Variants in UNC5D observed in about 807,000 individuals in gnomAD.
UNC5D encodes the protein unc-5 netrin receptor D.
Under a neutral mutation model 105.4 loss-of-function variants are expected in UNC5D, and 39 were observed. The observed-to-expected ratio is 0.37, with a 90% CI of 0.29 to 0.48. UNC5D has a LOEUF of 0.48. Among genes scored for constraint, UNC5D ranks in the 20% least tolerant of loss-of-function variants. The pLI is 0.98. For synonymous variants in UNC5D, 452 were observed against 450.4 expected (o/e 1.00, Z -0.04); for missense variants, 991 against 1,202.4 (o/e 0.82, Z 2.60).
At position 35,388,428 on chromosome 8, in the gene UNC5D, C is replaced by T. The variant is rs376037329; in HGVS notation, c.103+152541C>T. Among the ~76,000 whole-genome samples the T allele has an allele frequency of 4.6e-5, 7 of 152,180 alleles. No individual in the cohort carries two copies. In the South Asian group the frequency reaches 8.3e-4, roughly 18 times the overall value. ...CAATGGCCCCTTTTCCCTAAGTTGC[C>T]TAGCACTGAATCTCCAGTCCACCAT... On this transcript the variant is annotated intron_variant, in intron 1 of 16. Transcript: ENST00000404895.
chr8:35,615,193 T>TAGTC (rs1442098754), intron 4 of UNC5D, among the ~76,000 whole-genome samples: 1 of 152,136 alleles, frequency 6.6e-6, no homozygotes, highest in Non-Finnish European at 1.5e-5. Flanking sequence ...GAGGCATGAC[T>TAGTC]AGTCCACTGC....
chr8:35,391,078 G>A (rs1803741099), intron 1 of UNC5D, among the ~76,000 whole-genome samples: 1 of 152,178 alleles, frequency 6.6e-6, no homozygotes, highest in Non-Finnish European at 1.5e-5. Flanking sequence ...GTAAAATCTG[G>A]GAGAGATGCA....
chr8:35,356,392 A>G (rs147998117), intron 1 of UNC5D, among the ~76,000 whole-genome samples: 1 of 152,150 alleles, frequency 6.6e-6, no homozygotes, highest in East Asian at 1.9e-4. Context: ...TGGGCATCCA[A>G]CTGGGTAGTA....
chr8:35,767,455 A>G (rs1226206873), intron 15 of UNC5D, among the ~76,000 whole-genome samples: 2 of 152,198 alleles, frequency 1.3e-5, no homozygotes, highest in East Asian at 3.9e-4. Context: ...AGCCACCCTC[A>G]GACTGTTTTT....
chr8:35,718,906 C>T (rs969404189), intron 8 of UNC5D, among the ~76,000 whole-genome samples: 3 of 152,058 alleles, frequency 2.0e-5, no homozygotes, highest in African/African-American at 7.2e-5. Flanking sequence ...ATATCAATTA[C>T]AATTGCACTT....
chr8:35,631,179 G>A (rs1258351279), intron 4 of UNC5D, among the ~76,000 whole-genome samples: 1 of 152,116 alleles, frequency 6.6e-6, no homozygotes, highest in African/African-American at 2.4e-5. Flanking sequence ...TGGACATAGT[G>A]GTGTGTGCCT....
intron 7 of UNC5D, among the ~76,000 whole-genome samples, chr8:35,698,468 T>C (rs1036115437): frequency 6.6e-6 from 1 of 151,398 alleles, no homozygotes; most frequent in Non-Finnish European, 1.5e-5. Context: ...TCTGTCTCTA[T>C]GAGTTTGGTA....
At chr8:35,440,000 G>T (rs1000511170) in intron 1 of UNC5D, among the ~76,000 whole-genome samples, 4 of 151,948 alleles carry the variant, frequency 2.6e-5, no homozygotes, top group African/African-American at 9.7e-5. Flanking sequence ...AGATGTAAAG[G>T]TCACAAAACA....
At chr8:35,493,908 G>GA (rs1195760929) in intron 1 of UNC5D, among the ~76,000 whole-genome samples, 1 of 152,008 alleles carries the variant, frequency 6.6e-6, no homozygotes, top group African/African-American at 2.4e-5. Context: ...TTAAGCAAAG[G>GA]AAACATATAT....
At chr8:35,256,955 T>C (rs1428556619) in intron 1 of UNC5D, among the ~76,000 whole-genome samples, 1 of 112,404 alleles carries the variant, frequency 8.9e-6, no homozygotes, top group Non-Finnish European at 1.9e-5. Flanking sequence ...CCTGCTCTTT[T>C]TTTGTTTTTT....
At chr8:35,471,454 A>T (rs1809719093) in intron 1 of UNC5D, among the ~76,000 whole-genome samples, 1 of 152,210 alleles carries the variant, frequency 6.6e-6, no homozygotes, top group Admixed American at 6.5e-5. Flanking sequence ...ATTAAAGTGA[A>T]TTATAACACC....
At chr8:35,251,895 C>T (rs1293547067) in intron 1 of UNC5D, among the ~76,000 whole-genome samples, 3 of 152,068 alleles carry the variant, frequency 2.0e-5, no homozygotes, top group Non-Finnish European at 4.4e-5. Flanking sequence ...CTACTGTTAA[C>T]CAAAAGAGGT....
chr8:35,726,442 A>C lies in UNC5D; in HGVS notation c.1594A>C (p.Asn532His). The C allele has an allele frequency of 6.2e-7, 1 of 1,613,978 alleles. No homozygotes were observed. Among genetic ancestry groups the C allele is most frequent in the South Asian group, 1.1e-5 (1 of 91,070 alleles). Residue 532 changes from asparagine (N) to histidine (H), a missense_variant, in exon 10 of 17, where the codon AAT (asparagine) becomes CAT (histidine). Physicochemically the swap from Asn to His is moderately conservative, Grantham distance 68 (BLOSUM62 1). This residue lies in a region of UNC5D where 944 missense variants were observed against 1,131.6 expected (regional missense o/e 0.83). Coordinates refer to ENST00000404895, the MANE Select transcript of UNC5D (RefSeq NM_080872.4). ...HPRNKMPYIQ[N>H]LSSLPTRTEL... Reference sequence around the variant, plus strand: ...CAGAAATAAAATGCCCTACATCCAAAATCTGTCATCACTCCCCACAAGGAC... The same window carrying C: ...CAGAAATAAAATGCCCTACATCCAACATCTGTCATCACTCCCCACAAGGAC...
At chr8:35,263,882 G>A (rs1310279730) in intron 1 of UNC5D, among the ~76,000 whole-genome samples, 1 of 152,102 alleles carries the variant, frequency 6.6e-6, no homozygotes, top group African/African-American at 2.4e-5. Context: ...AAATAATATT[G>A]TCTACCCCTC....
chr8:35,534,525 G>T (rs981217587), intron 1 of UNC5D, among the ~76,000 whole-genome samples: 3 of 150,990 alleles, frequency 2.0e-5, no homozygotes, highest in Non-Finnish European at 4.4e-5. Context: ...AATAAGTTAC[G>T]TTTACTCTGG....
intron 12 of UNC5D, among the ~76,000 whole-genome samples, chr8:35,749,084 T>G (rs1830137559): frequency 6.6e-6 from 1 of 152,142 alleles, no homozygotes. Flanking sequence ...AGAAAGAAAA[T>G]AACTATGTCT....
chr8:35,270,463 C>G (rs1268398859), intron 1 of UNC5D, among the ~76,000 whole-genome samples: 3 of 152,142 alleles, frequency 2.0e-5, no homozygotes, highest in Non-Finnish European at 4.4e-5. Flanking sequence ...TTTTCTGACT[C>G]TGATTATATT....
intron 8 of UNC5D, among the ~76,000 whole-genome samples, chr8:35,711,471 C>T (rs1385279379): frequency 5.3e-5 from 8 of 152,048 alleles, no homozygotes; most frequent in Non-Finnish European, 8.8e-5. Context: ...TGAGCCACCG[C>T]GCTGGCCCCA....
chr8:35,466,303 T>C (rs1809301620), intron 1 of UNC5D, among the ~76,000 whole-genome samples: 1 of 152,202 alleles, frequency 6.6e-6, no homozygotes, highest in Non-Finnish European at 1.5e-5. Context: ...AATTCATCTC[T>C]CACTGTCTCT....
Sources: allele counts gnomAD v4.1 joint callset (sites outside exome capture counted in the v4.1 genomes callset), GRCh38; gene constraint gnomAD v4.1.1; regional missense constraint gnomAD v4.1.1; transcripts MANE v1.5; gene names NCBI Gene and HGNC (gene_info 2026-07-23, HGNC 2026-07-21).